MYO18B: variants seen among roughly 807,000 people sequenced by gnomAD.
The protein encoded by MYO18B is unconventional myosin-XVIIIb.
Under a neutral mutation model 273.0 loss-of-function variants are expected in MYO18B, and 204 were observed. The ratio of observed to expected loss-of-function variants is 0.75; its 90% CI spans 0.67 to 0.84. The LOEUF is 0.84. Ranked by LOEUF, MYO18B falls within the 40% of genes least tolerant of loss-of-function variation. The probability of loss-of-function intolerance (pLI) is 0.00; values close to 1 mark genes in which losing one functional copy is unlikely to be tolerated. For missense variants in MYO18B, 3,212 were observed against 3,287.6 expected (o/e 0.98, Z 0.56); for synonymous variants, 1,330 against 1,305.7 (o/e 1.02, Z -0.40).
chr22:25,964,026 T>C (rs1020044010), intron 39 of MYO18B: 3 of 152,238 alleles, frequency 2.0e-5, no homozygotes, highest in Non-Finnish European at 2.9e-5. Context: ...TGGTGGGTAC[T>C]GGGTTAAGTA....
intron 25 of MYO18B, among the ~76,000 whole-genome samples, chr22:25,887,078 G>C (rs981985764): frequency 6.6e-5 from 10 of 152,222 alleles, no homozygotes; most frequent in African/African-American, 2.2e-4. Context: ...AAAAGTTGCT[G>C]TTTCCTGCTG....
intron 39 of MYO18B, among the ~76,000 whole-genome samples, chr22:25,973,398 G>A (rs541892752): frequency 1.3e-5 from 2 of 152,302 alleles, no homozygotes; most frequent in East Asian, 1.9e-4. Context: ...AACACAGAAC[G>A]TAGGACAGAA....
intron 21 of MYO18B, among the ~76,000 whole-genome samples, chr22:25,855,736 A>G (rs1025452454): frequency 2.0e-5 from 3 of 152,112 alleles, no homozygotes; most frequent in African/African-American, 2.4e-5. Flanking sequence ...TCTTTATAAT[A>G]GAAGGATTTC....
At chr22:25,928,474 C>T (rs1033373506) in intron 34 of MYO18B, among the ~76,000 whole-genome samples, 1 of 151,394 alleles carries the variant, frequency 6.6e-6, no homozygotes, top group Admixed American at 6.6e-5. Context: ...GAATATCAGG[C>T]TCTACCAGCA....
At chr22:25,914,284 G>C (rs986425528) in intron 33 of MYO18B, among the ~76,000 whole-genome samples, 1 of 152,130 alleles carries the variant, frequency 6.6e-6, no homozygotes, top group African/African-American at 2.4e-5. Flanking sequence ...AACAAAACCT[G>C]ATGTAATTTT....
At chr22:25,804,598 T>C (rs1322700825) in intron 12 of MYO18B, among the ~76,000 whole-genome samples, 1 of 152,184 alleles carries the variant, frequency 6.6e-6, no homozygotes, top group Non-Finnish European at 1.5e-5. Flanking sequence ...CTTCTGTGTG[T>C]GTGTGTGAGA....
intron 12 of MYO18B, among the ~76,000 whole-genome samples, chr22:25,814,446 G>C (rs1004500574): frequency 1.3e-5 from 2 of 151,224 alleles, no homozygotes; most frequent in African/African-American, 4.9e-5. Flanking sequence ...CAGCCTCCCA[G>C]GTAGCTTGGA....
At position 25,768,430 on chromosome 22, in the gene MYO18B, C is replaced by A. The variant is rs1293119594; in HGVS notation, c.514C>A (p.Pro172Thr). The A allele has an allele frequency of 6.2e-7, 1 of 1,612,732 alleles. No homozygotes were observed. The highest frequency in any genetic ancestry group is 8.5e-7 in the Non-Finnish European group (1 of 1,179,424). ...CTCAGCCAAGCCAGAGAAGACTCATCCCCATGACGCCCCCCCTTGCAAGAC... is the reference window on the plus strand; with the variant it reads ...CTCAGCCAAGCCAGAGAAGACTCATACCCATGACGCCCCCCCTTGCAAGAC... ...PDSAKPEKTH[P>T]HDAPPCKTSP... Residue 172 changes from proline to threonine, a missense_variant, in exon 4 of 44, where the codon CCC (proline) becomes ACC (threonine). Coordinates refer to ENST00000335473, the MANE Select transcript of MYO18B (RefSeq NM_032608.7).
In MYO18B at chr22:25,992,302, C is replaced by T. The variant is rs1244549825; in HGVS notation, c.6157-61C>T. On this transcript the variant is annotated intron_variant, in intron 39 of 43. Transcript: ENST00000335473. ...CCTGGGGCGTGTCTCTTCCCCAGTG[C>T]ATGCATGGGTGGTGCATTTCTTGCC... is the stretch of plus-strand genomic sequence containing the variant. 9.4e-6 allele frequency: 15 copies of T among 1,596,600 alleles called. No homozygotes were observed. In the African/African-American group the frequency reaches 1.7e-4, roughly 18 times the overall value.
At chr22:25,758,798 C>T (rs2086209602) in intron 1 of MYO18B, among the ~76,000 whole-genome samples, 1 of 150,534 alleles carries the variant, frequency 6.6e-6, no homozygotes, top group Non-Finnish European at 1.5e-5. Flanking sequence ...CACTCTGTTG[C>T]CCAGACTGGA....
intron 18 of MYO18B, among the ~76,000 whole-genome samples, chr22:25,844,677 G>A (rs1174973239): frequency 6.6e-6 from 1 of 152,218 alleles, no homozygotes; most frequent in Non-Finnish European, 1.5e-5. Context: ...GCACAGCCAG[G>A]ACCCAACTTG....
chr22:25,951,774 C>A, intron 37 of MYO18B, among the ~76,000 whole-genome samples: 1 of 152,202 alleles, frequency 6.6e-6, no homozygotes, highest in East Asian at 1.9e-4. Context: ...GGAACAGCAG[C>A]AGTGGCCATT....
At position 25,772,371 on chromosome 22, in the gene MYO18B, C is replaced by T. The variant is rs766998911; in HGVS notation, c.1730C>T (p.Ala577Val). 6 of 1,613,838 alleles carry T rather than the reference C, an allele frequency of 3.7e-6. No individual in the cohort carries two copies. The South Asian group carries it at 5.5e-5, about 15-fold the overall frequency. ...PPELDQVEDL[A>V]SLISVNESSV... ...GAGCTGGACCAGGTCGAGGACCTGG[C>T]CTCTCTCATCAGTGTCAACGAATCC... The change falls in exon 7 of 44, where the codon GCC becomes GTC. Residue 577 changes from alanine (A) to valine (V), a missense_variant. Transcript: ENST00000335473.
intron 11 of MYO18B, among the ~76,000 whole-genome samples, chr22:25,794,187 C>T (rs894967073): frequency 1.3e-5 from 2 of 151,924 alleles, no homozygotes; most frequent in Non-Finnish European, 2.9e-5. Context: ...CCACCTCAGC[C>T]TCCCAAAATG....
intron 1 of MYO18B, among the ~76,000 whole-genome samples, chr22:25,755,909 T>G (rs1400172738): frequency 6.6e-6 from 1 of 151,064 alleles, no homozygotes; most frequent in Non-Finnish European, 1.5e-5. Context: ...CTTTCTTTCT[T>G]TTTTTTTTCT....
chr22:25,988,980 C>T (rs2093231538), intron 39 of MYO18B, among the ~76,000 whole-genome samples: 1 of 152,168 alleles, frequency 6.6e-6, no homozygotes, highest in African/African-American at 2.4e-5. Flanking sequence ...TTTTAGACTC[C>T]TATTTCTTCT....
At chr22:25,929,859 T>C (rs555645654) in intron 34 of MYO18B, among the ~76,000 whole-genome samples, 34 of 152,320 alleles carry the variant, frequency 2.2e-4, no homozygotes, top group Non-Finnish European at 3.4e-4. Flanking sequence ...TTGTACCGTC[T>C]GATCTTTGGA....
Position 26,030,608 on chromosome 22 carries a change from G to A in MYO18B, c.*178G>A, listed in dbSNP as rs773926557. ...GCGGGGATGCTGGGCTCCCAGTGTG[G>A]TTGGCCTGAACAAAATAAAGTGTTG... On this transcript the variant is annotated 3_prime_UTR_variant, in exon 44 of 44. Transcript: ENST00000335473. The A allele has an allele frequency of 2.0e-5, 5 of 255,178 alleles. No homozygotes were observed. The highest frequency in any genetic ancestry group is 3.7e-5 in the Non-Finnish European group (5 of 134,436). The allele number at this position is 255,178 out of a possible 1,614,324, so 15.8% of individuals were successfully genotyped here. A position where few individuals can be genotyped will look rare whatever the true frequency, so the allele number is the denominator to read the frequency against.
chr22:25,911,998 G>T (rs903498407), intron 33 of MYO18B, among the ~76,000 whole-genome samples: 1 of 152,152 alleles, frequency 6.6e-6, no homozygotes, highest in Admixed American at 6.5e-5. Flanking sequence ...CTTAACATGG[G>T]TTCGATGTCT....
Sources: allele counts gnomAD v4.1 joint callset (sites outside exome capture counted in the v4.1 genomes callset), GRCh38; gene constraint gnomAD v4.1.1; transcripts MANE v1.5; gene names NCBI Gene and HGNC (gene_info 2026-07-23, HGNC 2026-07-21).